The following SLC25A21 variants were observed in gnomAD, a reference collection of about 807,000 sequenced individuals.
The protein encoded by SLC25A21 is mitochondrial 2-oxodicarboxylate carrier.
In SLC25A21, 47 loss-of-function variants were observed where a neutral mutation model predicts 43.8. The ratio of observed to expected loss-of-function variants is 1.07; its 90% CI spans 0.85 to 1.37. The LOEUF (loss-of-function observed/expected upper bound fraction) is 1.37, where lower values mean the gene tolerates loss of function less well. SLC25A21 is among the 40% of genes most tolerant of loss of function. The probability of loss-of-function intolerance (pLI) is 0.00; values close to 1 mark genes in which losing one functional copy is unlikely to be tolerated. For synonymous variants in SLC25A21, 131 were observed against 121.3 expected (o/e 1.08, Z -0.52); for missense variants, 352 against 350.2 (o/e 1.00, Z -0.04).
intron 1 of SLC25A21, among the ~76,000 whole-genome samples, chr14:36,892,062 C>A (rs1645816060): frequency 6.6e-6 from 1 of 152,168 alleles, no homozygotes; most frequent in South Asian, 2.1e-4. Flanking sequence ...GACTTGCTAA[C>A]CACATTATGT....
chr14:36,723,177 C>T (rs1041246549), intron 6 of SLC25A21, among the ~76,000 whole-genome samples: 14 of 152,136 alleles, frequency 9.2e-5, no homozygotes, highest in African/African-American at 2.7e-4. Context: ...CAGCAATATC[C>T]GAATGTTCTA....
intron 1 of SLC25A21, among the ~76,000 whole-genome samples, chr14:37,169,657 A>G (rs1042872718): frequency 3.9e-5 from 6 of 152,024 alleles, no homozygotes; most frequent in Admixed American, 1.3e-4. Context: ...CCAGTGCCAG[A>G]GATTCAAATC....
chr14:37,160,025 T>C lies in SLC25A21; in HGVS notation c.70+12256A>G, dbSNP rs530625191. 5.3e-5 allele frequency among the ~76,000 whole-genome samples: 8 copies of C among 152,236 alleles called. No homozygotes were observed. In the South Asian group the frequency reaches 1.7e-3, roughly 32 times the overall value. On this transcript the variant is annotated intron_variant, in intron 1 of 9. Coordinates refer to ENST00000331299, the MANE Select transcript of SLC25A21 (RefSeq NM_030631.4). ...CAAAACCACAATGAGATATCATCTC[T>C]ACCCAGTTAGAATGGTTATTATTAA... is the stretch of plus-strand genomic sequence containing the variant.
At chr14:36,905,587 G>A (rs1215069789) in intron 1 of SLC25A21, among the ~76,000 whole-genome samples, 1 of 152,110 alleles carries the variant, frequency 6.6e-6, no homozygotes, top group Non-Finnish European at 1.5e-5. Flanking sequence ...ACAGCTTATG[G>A]CTGCTACGAC....
At chr14:37,032,919 T>C (rs147414604) in intron 1 of SLC25A21, among the ~76,000 whole-genome samples, 152 of 152,096 alleles carry the variant, frequency 1.0e-3, no homozygotes, top group African/African-American at 3.6e-3. Context: ...CAATGAAGAG[T>C]AAACAGGTAA....
intron 1 of SLC25A21, among the ~76,000 whole-genome samples, chr14:37,022,743 G>A (rs780420012): frequency 2.4e-4 from 37 of 152,014 alleles, no homozygotes; most frequent in Non-Finnish European, 4.4e-4. Context: ...TCAGTCCTGT[G>A]GTCTCAGGGA....
At chr14:37,015,932 C>G (rs1960844737) in intron 1 of SLC25A21, among the ~76,000 whole-genome samples, 1 of 151,696 alleles carries the variant, frequency 6.6e-6, no homozygotes, top group African/African-American at 2.4e-5. Context: ...ATTGTAGATT[C>G]TGGATATTAG....
chr14:36,777,931 C>G (rs1241668229), intron 3 of SLC25A21, among the ~76,000 whole-genome samples: 1 of 152,190 alleles, frequency 6.6e-6, no homozygotes, highest in African/African-American at 2.4e-5. Context: ...CCCAACCTAG[C>G]TATAACACTG....
chr14:36,801,417 C>T (rs1483320919), intron 3 of SLC25A21, among the ~76,000 whole-genome samples: 1 of 152,142 alleles, frequency 6.6e-6, no homozygotes, highest in East Asian at 1.9e-4. Context: ...CAACTCCCTC[C>T]TCAGCCCAGA....
chr14:36,711,380 C>T lies in SLC25A21; in HGVS notation c.541G>A (p.Val181Ile). 1.2e-6 allele frequency: 2 copies of T among 1,614,142 alleles called. No homozygotes were observed. The highest frequency in any genetic ancestry group is 1.7e-6 in the Non-Finnish European group (2 of 1,180,020). The change falls in exon 7 of 10, where the codon GTT (valine) becomes ATT (isoleucine). Residue 181 changes from valine to isoleucine, a missense_variant. By Grantham distance (29) the Val-to-Ile change is conservative (BLOSUM62 3). Transcript: ENST00000331299. ...GLTATLGRHG[V>I]FNMVYFGFYY... ...AAGCCAAAATAAACCATGTTGAAAA[C>T]TCCATGTCGTCCCAAAGTTGCAGTT...
chr14:37,069,808 G>C (rs1048112269), intron 1 of SLC25A21, among the ~76,000 whole-genome samples: 1 of 152,072 alleles, frequency 6.6e-6, no homozygotes, highest in Admixed American at 6.5e-5. Flanking sequence ...TATACAAATG[G>C]CTGGGTCTCA....
chr14:36,922,842 C>G (rs712401), intron 1 of SLC25A21, among the ~76,000 whole-genome samples: 102,562 of 152,006 alleles, frequency 0.67, 35,111 homozygotes, highest in Admixed American at 0.71. Context: ...TGACCCACAA[C>G]TACCTTAACT....
At chr14:36,759,976 T>C (rs955915151) in intron 3 of SLC25A21, among the ~76,000 whole-genome samples, 2 of 151,848 alleles carry the variant, frequency 1.3e-5, no homozygotes, top group Non-Finnish European at 2.9e-5. Context: ...AAAAAAAAAA[T>C]AGAAAGAAAT....
chr14:36,919,649 A>ATCTATCTATCTATCTATCTATCTGTCTG (rs1555336820), intron 1 of SLC25A21, among the ~76,000 whole-genome samples: 3 of 149,740 alleles, frequency 2.0e-5, no homozygotes, highest in African/African-American at 7.6e-5. Flanking sequence ...CTATCTATCT[A>ATCTATCTATCTATCTATCTATCTGTCTG]TCTATCTATC....
chr14:36,791,747 C>A (rs958453606), intron 3 of SLC25A21, among the ~76,000 whole-genome samples: 1 of 152,120 alleles, frequency 6.6e-6, no homozygotes, highest in Non-Finnish European at 1.5e-5. Context: ...GGATTAACCA[C>A]CCCGCTTTGC....
intron 3 of SLC25A21, chr14:36,788,783 T>C (rs1317312019): frequency 6.6e-6 from 1 of 152,000 alleles, no homozygotes; most frequent in Admixed American, 6.6e-5. Flanking sequence ...GAGAACCTCA[T>C]CTTCCAGGGA....
chr14:36,743,694 A>T (rs1379872381), intron 3 of SLC25A21, among the ~76,000 whole-genome samples: 2 of 152,190 alleles, frequency 1.3e-5, no homozygotes, highest in African/African-American at 4.8e-5. Context: ...TAGTACTGGA[A>T]GTCCTAGCTA....
At chr14:36,895,455 C>A (rs1466289858) in intron 1 of SLC25A21, among the ~76,000 whole-genome samples, 1 of 152,082 alleles carries the variant, frequency 6.6e-6, no homozygotes, top group Non-Finnish European at 1.5e-5. Flanking sequence ...GTCTTGCTAG[C>A]AGTCTATCAA....
At chr14:36,715,747 G>A (rs765554286) in intron 6 of SLC25A21, among the ~76,000 whole-genome samples, 8 of 152,182 alleles carry the variant, frequency 5.3e-5, no homozygotes, top group Non-Finnish European at 8.8e-5. Flanking sequence ...TAATGGTTAT[G>A]GGAAATGGAA....
Sources: gnomAD v4.1 joint callset for allele counts (sites outside exome capture counted in the v4.1 genomes callset) on GRCh38, gnomAD v4.1.1 for gene constraint, MANE v1.5 for transcripts, NCBI Gene and HGNC (gene_info 2026-07-23, HGNC 2026-07-21) for gene names.